The following TMEM71 variants were observed in gnomAD, a reference collection of about 807,000 sequenced individuals.
TMEM71 encodes transmembrane protein 71.
In TMEM71, 44 loss-of-function variants were observed where a neutral mutation model predicts 38.0. That is an observed-to-expected ratio of 1.16 (90% CI 0.91 to 1.49). TMEM71 has a LOEUF of 1.49. TMEM71 is among the 40% of genes most tolerant of loss of function. The pLI is 0.00. For missense variants in TMEM71, 367 were observed against 348.6 expected (o/e 1.05, Z -0.42); for synonymous variants, 133 against 122.5 (o/e 1.09, Z -0.56).
At chr8:132,774,004 G>A in the TMEM71 span, among the ~76,000 whole-genome samples, 2 of 152,182 alleles carry the variant, frequency 1.3e-5, no homozygotes, top group African/African-American at 4.8e-5. Flanking sequence ...AACCTGGATG[G>A]TAGAGCAGCT....
chr8:132,764,434 TC>T (rs1829339187), upstream of TMEM71, among the ~76,000 whole-genome samples: 1 of 152,096 alleles, frequency 6.6e-6, no homozygotes, highest in African/African-American at 2.4e-5. Flanking sequence ...ATTATGTCAC[TC>T]CCCTGATTAA....
In TMEM71 at chr8:132,728,013, A is replaced by AGTGTGT. The variant is rs59776482; in HGVS notation, c.488-33_488-28dup. The stretch of plus-strand genomic sequence containing the variant: ...TGAAAAAGCAGAGGGGTTCAGTGTG[A>AGTGTGT]GTGTGTGTGTGTGTGTGTGTGTGTG... On this transcript the variant is annotated intron_variant, in intron 5 of 9. Transcript: ENST00000677595. 1,380 of 1,080,650 alleles carry AGTGTGT rather than the reference A, an allele frequency of 1.3e-3. 7 individuals carry two copies. The African/African-American group carries it at 0.015, about 12-fold the overall frequency. 66.9% of individuals were successfully genotyped at this position (1,080,650 alleles called of 1,614,324 possible).
Position 132,727,826 on chromosome 8 carries a change from A to C in TMEM71, c.648T>G (p.Arg216=). 1 of 1,612,886 alleles carries C rather than the reference A, an allele frequency of 6.2e-7. No homozygotes were observed. Among genetic ancestry groups the C allele is most frequent in the Non-Finnish European group, 8.5e-7 (1 of 1,179,508 alleles). Residue 216 remains arginine (R), a synonymous_variant, in exon 6 of 10, where the codon CGT becomes CGG. Coordinates refer to ENST00000677595, the MANE Select transcript of TMEM71 (RefSeq NM_001382403.1). ...SLQSQLTASE[R]FQENSSDHSE... ...AATGATCCGAACTATTCTCTTGGAA[A>C]CGTTCAGAAGCTGTCAACTGGGACT... is the stretch of plus-strand genomic sequence containing the variant.
chr8:132,732,428 C>T (rs913334579), intron 5 of TMEM71, among the ~76,000 whole-genome samples: 16 of 152,232 alleles, frequency 1.1e-4, no homozygotes, highest in African/African-American at 3.6e-4. Flanking sequence ...GAAGAGTCCT[C>T]CTGTGTAGCT....
chr8:132,741,163 G>A (rs573131968), intron 5 of TMEM71, among the ~76,000 whole-genome samples: 2 of 152,282 alleles, frequency 1.3e-5, no homozygotes, highest in East Asian at 3.9e-4. Context: ...AGGAGATCAA[G>A]ACCATCCTGG....
intron 6 of TMEM71, 65 bp downstream of exon 6, chr8:132,727,733 C>A: frequency 7.0e-7 from 1 of 1,420,464 alleles, no homozygotes; most frequent in Non-Finnish European, 9.6e-7. Context: ...ATCTCCAAGT[C>A]ATTCTCAGGC....
chr8:132,767,625 C>T, the TMEM71 span, among the ~76,000 whole-genome samples: 1 of 152,098 alleles, frequency 6.6e-6, no homozygotes, highest in Admixed American at 6.5e-5. Context: ...CAGGTGCGCA[C>T]CACCATGCCC....
downstream of TMEM71, among the ~76,000 whole-genome samples, chr8:132,708,155 G>A (rs4736602): frequency 4.6e-5 from 7 of 152,090 alleles, no homozygotes; most frequent in African/African-American, 1.2e-4. Flanking sequence ...AATATTGCCC[G>A]CTGCTAGACT....
At chr8:132,723,618 C>A (rs1826970618) in intron 6 of TMEM71, among the ~76,000 whole-genome samples, 1 of 152,132 alleles carries the variant, frequency 6.6e-6, no homozygotes, top group Non-Finnish European at 1.5e-5. Flanking sequence ...ATTAAAAATT[C>A]TATAATATTT....
the TMEM71 span, among the ~76,000 whole-genome samples, chr8:132,771,080 T>C: frequency 2.6e-5 from 4 of 152,234 alleles, no homozygotes; most frequent in Admixed American, 2.6e-4. Context: ...GACCATCCTT[T>C]GTCCTAAATC....
At chr8:132,738,488 A>G (rs1185637069) in intron 5 of TMEM71, among the ~76,000 whole-genome samples, 1 of 152,084 alleles carries the variant, frequency 6.6e-6, no homozygotes, top group Non-Finnish European at 1.5e-5. Context: ...TCCTTAGGAT[A>G]CTGGTTGATT....
At chr8:132,752,400 C>G (rs1259803436) in intron 3 of TMEM71, among the ~76,000 whole-genome samples, 1 of 152,158 alleles carries the variant, frequency 6.6e-6, no homozygotes, top group Non-Finnish European at 1.5e-5. Context: ...CACATTATAA[C>G]TATGTAGCCA....
chr8:132,745,759 G>C (rs867882084), intron 5 of TMEM71, among the ~76,000 whole-genome samples: 1 of 151,510 alleles, frequency 6.6e-6, no homozygotes, highest in Non-Finnish European at 1.5e-5. Context: ...CAAAGACAAA[G>C]AATCAACCTA....
intron 5 of TMEM71, among the ~76,000 whole-genome samples, chr8:132,730,392 A>G (rs1827388411): frequency 6.6e-6 from 1 of 152,236 alleles, no homozygotes; most frequent in African/African-American, 2.4e-5. Flanking sequence ...AGCTGCACAG[A>G]TTTCCCCAGA....
the TMEM71 span, chr8:132,775,353 G>T: frequency 2.8e-6 from 1 of 355,264 alleles, no homozygotes; most frequent in African/African-American, 2.1e-5. Flanking sequence ...GGCACGTCGC[G>T]GGCGGCTGAC....
chr8:132,750,906 C>T (rs544581962), intron 4 of TMEM71, among the ~76,000 whole-genome samples: 1 of 152,228 alleles, frequency 6.6e-6, no homozygotes, highest in Non-Finnish European at 1.5e-5. Context: ...AGATTCCACC[C>T]CTTTACCATT....
chr8:132,738,404 C>A (rs1226280990), intron 5 of TMEM71, among the ~76,000 whole-genome samples: 5 of 152,304 alleles, frequency 3.3e-5, no homozygotes, highest in Non-Finnish European at 5.9e-5. Flanking sequence ...TATATTCTAT[C>A]TATCACTAAC....
downstream of TMEM71, among the ~76,000 whole-genome samples, chr8:132,708,001 A>G (rs1318885072): frequency 6.6e-6 from 1 of 152,224 alleles, no homozygotes; most frequent in African/African-American, 2.4e-5. Context: ...GAATGTATTA[A>G]TAAATGAAAC....
At chr8:132,711,044 T>C in intron 9 of TMEM71, 62 bp from the exon 10 acceptor site, 2 of 1,478,302 alleles carry the variant, frequency 1.4e-6, no homozygotes, top group Non-Finnish European at 1.9e-6. Flanking sequence ...AAATGCAGTA[T>C]CTAATCACTG....
Sources: allele counts gnomAD v4.1 joint callset (sites outside exome capture counted in the v4.1 genomes callset), GRCh38; gene constraint gnomAD v4.1.1; transcripts MANE v1.5; gene names NCBI Gene and HGNC (gene_info 2026-07-23, HGNC 2026-07-21).